SPAG16: variants seen among roughly 807,000 people sequenced by gnomAD.
SPAG16 encodes sperm associated antigen 16, also known as sperm-associated antigen 16 protein.
Under a neutral mutation model 80.4 loss-of-function variants are expected in SPAG16, and 86 were observed. The observed-to-expected ratio is 1.07, with a 90% CI of 0.90 to 1.28. The LOEUF (loss-of-function observed/expected upper bound fraction) is 1.28, where lower values mean the gene tolerates loss of function less well. Ranked by LOEUF, SPAG16 falls within the 50% of genes most tolerant of loss-of-function variation. The pLI, the probability that SPAG16 is intolerant of heterozygous loss-of-function variation, is 0.00. For missense variants in SPAG16, 870 were observed against 765.3 expected (o/e 1.14, Z -1.61); for synonymous variants, 294 against 265.9 (o/e 1.11, Z -1.03).
chr2:213,884,879 C>T (rs1381247327), intron 11 of SPAG16, among the ~76,000 whole-genome samples: 2 of 152,150 alleles, frequency 1.3e-5, no homozygotes, highest in East Asian at 1.9e-4. Context: ...TTTCATCTAT[C>T]ATTTCTTGGA....
intron 10 of SPAG16, among the ~76,000 whole-genome samples, chr2:213,567,605 G>A (rs1354421718): frequency 1.3e-5 from 1 of 74,554 alleles, no homozygotes; most frequent in Non-Finnish European, 2.4e-5. Context: ...GTGTATATGT[G>A]CCACATTTTC....
intron 10 of SPAG16, among the ~76,000 whole-genome samples, chr2:213,529,226 A>G (rs577309191): frequency 1.3e-5 from 2 of 152,318 alleles, no homozygotes; most frequent in Admixed American, 6.5e-5. Flanking sequence ...TAACATGATC[A>G]ATGCAGTTAC....
chr2:213,832,983 G>A (rs2372256), intron 10 of SPAG16, among the ~76,000 whole-genome samples: 91,295 of 151,834 alleles, frequency 0.6, 29,311 homozygotes, highest in South Asian at 0.86. Flanking sequence ...TATGAAATTT[G>A]TATATATGTT....
intron 15 of SPAG16, among the ~76,000 whole-genome samples, chr2:214,195,865 T>A (rs2057822041): frequency 6.6e-6 from 1 of 151,994 alleles, no homozygotes; most frequent in Admixed American, 6.6e-5. Context: ...GTCACCAACA[T>A]TATGATTTTA....
chr2:213,979,346 A>G (rs1347801272), intron 12 of SPAG16, among the ~76,000 whole-genome samples: 1 of 152,132 alleles, frequency 6.6e-6, no homozygotes, highest in Non-Finnish European at 1.5e-5. Flanking sequence ...GACATTACCA[A>G]GACAATTGAA....
chr2:214,251,628 T>C (rs1690299311), intron 15 of SPAG16, among the ~76,000 whole-genome samples: 1 of 152,156 alleles, frequency 6.6e-6, no homozygotes, highest in Non-Finnish European at 1.5e-5. Context: ...TGCACATTAC[T>C]GAATTTCATG....
chr2:213,370,619 T>C (rs548734782), intron 8 of SPAG16, among the ~76,000 whole-genome samples: 5 of 152,376 alleles, frequency 3.3e-5, no homozygotes, highest in African/African-American at 1.2e-4. Context: ...TGAATTGGGT[T>C]GATGTTTGCA....
intron 13 of SPAG16, among the ~76,000 whole-genome samples, chr2:214,019,081 A>G (rs1412670889): frequency 1.7e-5 from 2 of 114,884 alleles, no homozygotes; most frequent in African/African-American, 6.2e-5. Flanking sequence ...GTTGAAGACT[A>G]TTTTATTAAA....
intron 10 of SPAG16, among the ~76,000 whole-genome samples, chr2:213,681,697 A>G (rs1241355184): frequency 6.6e-6 from 1 of 152,192 alleles, no homozygotes; most frequent in Non-Finnish European, 1.5e-5. Context: ...TCAAGGAAAG[A>G]TGTGGGAAGC....
chr2:213,871,173 C>A (rs2075928705), intron 11 of SPAG16, among the ~76,000 whole-genome samples: 1 of 152,060 alleles, frequency 6.6e-6, no homozygotes, highest in African/African-American at 2.4e-5. Flanking sequence ...ACAAAATCTT[C>A]TATGAATAAT....
At chr2:214,283,988 A>G (rs528076331) in intron 15 of SPAG16, among the ~76,000 whole-genome samples, 28 of 152,342 alleles carry the variant, frequency 1.8e-4, no homozygotes, top group Admixed American at 1.3e-4. Context: ...AGATGTCATG[A>G]AAATGCTAAT....
At chr2:213,812,215 G>A (rs2072204711) in intron 10 of SPAG16, among the ~76,000 whole-genome samples, 1 of 152,124 alleles carries the variant, frequency 6.6e-6, no homozygotes, top group Non-Finnish European at 1.5e-5. Context: ...CAAAGTACCA[G>A]AGAAAAAGAG....
chr2:213,962,416 A>C (rs1175448609), intron 12 of SPAG16, among the ~76,000 whole-genome samples: 1 of 152,112 alleles, frequency 6.6e-6, no homozygotes, highest in Non-Finnish European at 1.5e-5. Flanking sequence ...GATGGTCTCC[A>C]TCTCCTGATC....
chr2:213,589,625 T>C (rs2060608751), intron 10 of SPAG16, among the ~76,000 whole-genome samples: 1 of 152,102 alleles, frequency 6.6e-6, no homozygotes, highest in African/African-American at 2.4e-5. Flanking sequence ...TCACCCTTCC[T>C]TAAAAATAAT....
intron 10 of SPAG16, among the ~76,000 whole-genome samples, chr2:213,756,930 GTGT>G: frequency 6.6e-6 from 1 of 152,208 alleles, no homozygotes; most frequent in South Asian, 2.1e-4. Flanking sequence ...AACCCTTATG[GTGT>G]TGTCTTTATA....
intron 15 of SPAG16, among the ~76,000 whole-genome samples, chr2:214,182,232 C>G (rs2057331265): frequency 6.6e-6 from 1 of 151,464 alleles, no homozygotes; most frequent in Non-Finnish European, 1.5e-5. Context: ...TACCAGATAA[C>G]AAGCTCTGTT....
chr2:214,267,519 G>T (rs972742288), intron 15 of SPAG16, among the ~76,000 whole-genome samples: 2 of 151,770 alleles, frequency 1.3e-5, no homozygotes, highest in Non-Finnish European at 3.0e-5. Flanking sequence ...AGCCTTAAAT[G>T]TAAGACCTGA....
chr2:214,366,499 A>T (rs1006050206), intron 15 of SPAG16, among the ~76,000 whole-genome samples: 8 of 152,206 alleles, frequency 5.3e-5, no homozygotes, highest in African/African-American at 1.9e-4. Flanking sequence ...GTTTAAAAAC[A>T]TATATGTTTC....
At chr2:213,968,579 A>C (rs2044844861) in intron 12 of SPAG16, among the ~76,000 whole-genome samples, 1 of 152,240 alleles carries the variant, frequency 6.6e-6, no homozygotes, top group African/African-American at 2.4e-5. Context: ...GAACTGAATT[A>C]AAATCCTGTA....
Sources: allele counts gnomAD v4.1 joint callset (sites outside exome capture counted in the v4.1 genomes callset), GRCh38; gene constraint gnomAD v4.1.1; transcripts MANE v1.5; gene names NCBI Gene and HGNC (gene_info 2026-07-23, HGNC 2026-07-21).